SLC44A1: variants seen among roughly 807,000 people sequenced by gnomAD.
SLC44A1 encodes the protein choline transporter-like protein 1.
In SLC44A1, 26 loss-of-function variants were observed where a neutral mutation model predicts 79.3. The observed-to-expected ratio is 0.33, with a 90% CI of 0.24 to 0.46. The LOEUF is 0.46. Among genes scored for constraint, SLC44A1 ranks in the 20% least tolerant of loss-of-function variants. The pLI, the probability that SLC44A1 is intolerant of heterozygous loss-of-function variation, is 1.00. For missense variants in SLC44A1, 688 were observed against 798.1 expected (o/e 0.86, Z 1.66); for synonymous variants, 263 against 286.2 (o/e 0.92, Z 0.82).
intron 6 of SLC44A1, among the ~76,000 whole-genome samples, chr9:105,357,720 C>T (rs1827662700): frequency 6.6e-6 from 1 of 152,118 alleles, no homozygotes; most frequent in Non-Finnish European, 1.5e-5. Context: ...AGGAAGGTCT[C>T]CTCACCTGGG....
In SLC44A1 at chr9:105,363,005, C is replaced by T; in HGVS notation, c.1085C>T (p.Thr362Ile). The T allele has an allele frequency of 1.3e-6, 2 of 1,599,000 alleles. No homozygotes were observed. Among genetic ancestry groups the T allele is most frequent in the Non-Finnish European group, 1.7e-6 (2 of 1,172,450 alleles). Residue 362 changes from threonine (T) to isoleucine (I), a missense_variant and splice_region_variant, in exon 9 of 16, where the codon ACC becomes ATC. By Grantham distance (89) the Thr-to-Ile change is moderately conservative. Transcript: ENST00000374720. The stretch of plus-strand genomic sequence containing the variant: ...ATGACACTTCTTTTTCTTGGCACTA[C>T]CGGTAAGAAGATAAGCTTCTTTCTC... The part of the protein sequence containing the change: ...WIMTLLFLGT[T>I]GSPVQNEQGF...
intron 15 of SLC44A1, among the ~76,000 whole-genome samples, chr9:105,412,348 TG>T (rs201904999): frequency 0.025 from 3,882 of 152,320 alleles, 95 homozygotes; most frequent in Non-Finnish European, 0.032. Flanking sequence ...CCATTCAAGC[TG>T]GCTCCTGTAC....
chr9:105,281,867 A>G (rs1395643346), intron 1 of SLC44A1, among the ~76,000 whole-genome samples: 1 of 152,234 alleles, frequency 6.6e-6, no homozygotes, highest in Non-Finnish European at 1.5e-5. Flanking sequence ...ATATTGTTTA[A>G]GTTGTATAGT....
At chr9:105,361,889 C>G (rs1827791105) in intron 8 of SLC44A1, among the ~76,000 whole-genome samples, 1 of 152,086 alleles carries the variant, frequency 6.6e-6, no homozygotes, top group African/African-American at 2.4e-5. Flanking sequence ...CCTGTCTTCA[C>G]AAAAAATTAA....
chr9:105,420,522 G>A (rs905430250), intron 15 of SLC44A1, among the ~76,000 whole-genome samples: 1 of 152,110 alleles, frequency 6.6e-6, no homozygotes, highest in African/African-American at 2.4e-5. Context: ...TTAAAAATGT[G>A]CCAGAAAGTT....
chr9:105,310,918 A>G (rs1278862743), intron 3 of SLC44A1, among the ~76,000 whole-genome samples: 1 of 152,196 alleles, frequency 6.6e-6, no homozygotes, highest in Non-Finnish European at 1.5e-5. Context: ...CCCAAAGTCA[A>G]CTAGCATGTG....
At chr9:105,358,066 G>T (rs943179493) in intron 6 of SLC44A1, among the ~76,000 whole-genome samples, 1 of 152,192 alleles carries the variant, frequency 6.6e-6, no homozygotes, top group Non-Finnish European at 1.5e-5. Context: ...ATCCACAACA[G>T]TCTTGTGCTG....
At chr9:105,267,558 T>C (rs1829989788) in intron 1 of SLC44A1, among the ~76,000 whole-genome samples, 1 of 152,230 alleles carries the variant, frequency 6.6e-6, no homozygotes, top group Non-Finnish European at 1.5e-5. Flanking sequence ...ATTTCTATTG[T>C]GTTTTTATTT....
chr9:105,349,665 T>G (rs1827345349), intron 5 of SLC44A1, among the ~76,000 whole-genome samples: 1 of 152,148 alleles, frequency 6.6e-6, no homozygotes, highest in East Asian at 1.9e-4. Flanking sequence ...CTTTGAATAG[T>G]CTTAGGAGAA....
At chr9:105,301,189 C>T (rs994113239) in intron 2 of SLC44A1, among the ~76,000 whole-genome samples, 1 of 152,152 alleles carries the variant, frequency 6.6e-6, no homozygotes, top group East Asian at 1.9e-4. Context: ...TACCATGCCA[C>T]CCGAGGTGCT....
chr9:105,309,987 G>C (rs925102327), intron 3 of SLC44A1, 121 bp downstream of exon 3: 26 of 1,038,590 alleles, frequency 2.5e-5, no homozygotes, highest in Middle Eastern at 4.3e-4. Flanking sequence ...TGTGACTTCT[G>C]TTGGTGTGTT....
At chr9:105,359,915 T>C (rs1311318009) in intron 7 of SLC44A1, among the ~76,000 whole-genome samples, 3 of 152,214 alleles carry the variant, frequency 2.0e-5, no homozygotes, top group Non-Finnish European at 4.4e-5. Flanking sequence ...TCTCATTAAC[T>C]CTTGAGTGCA....
intron 1 of SLC44A1, among the ~76,000 whole-genome samples, chr9:105,264,675 T>C (rs1005793279): frequency 1.3e-5 from 2 of 152,240 alleles, no homozygotes; most frequent in African/African-American, 4.8e-5. Context: ...ACCTTAGATA[T>C]TCTTTCAGTT....
chr9:105,269,894 G>A (rs1830040557), intron 1 of SLC44A1, among the ~76,000 whole-genome samples: 1 of 152,152 alleles, frequency 6.6e-6, no homozygotes. Context: ...GTCTTAGTGT[G>A]CCACACTGGT....
chr9:105,382,502 C>T (rs1828497485), intron 13 of SLC44A1, among the ~76,000 whole-genome samples: 1 of 152,072 alleles, frequency 6.6e-6, no homozygotes, highest in South Asian at 2.1e-4. Flanking sequence ...ATACGAAACA[C>T]AGAAAAAGTT....
intron 1 of SLC44A1, among the ~76,000 whole-genome samples, chr9:105,284,340 T>G (rs1230299038): frequency 6.6e-6 from 1 of 151,716 alleles, no homozygotes; most frequent in Non-Finnish European, 1.5e-5. Flanking sequence ...GCTGGGATTA[T>G]AGGCATGAGC....
chr9:105,423,655 C>A (rs535977532), intron 15 of SLC44A1, among the ~76,000 whole-genome samples: 4 of 152,078 alleles, frequency 2.6e-5, no homozygotes, highest in Non-Finnish European at 4.4e-5. Context: ...ACATCTAAAC[C>A]GCTTCTTCCT....
chr9:105,358,783 A>G (rs1827696877), intron 7 of SLC44A1, among the ~76,000 whole-genome samples: 1 of 151,984 alleles, frequency 6.6e-6, no homozygotes. Flanking sequence ...CTTTCTTGAA[A>G]TTCATTCTTT....
At chr9:105,352,328 C>CTATATGAGATTATATGAGA (rs1827476346) in intron 5 of SLC44A1, among the ~76,000 whole-genome samples, 1 of 152,144 alleles carries the variant, frequency 6.6e-6, no homozygotes, top group Non-Finnish European at 1.5e-5. Context: ...ATGCAGACCC[C>CTATATGAGATTATATGAGA]TGCCTTCTTG....
Sources: gnomAD v4.1 joint callset for allele counts (sites outside exome capture counted in the v4.1 genomes callset) on GRCh38, gnomAD v4.1.1 for gene constraint, MANE v1.5 for transcripts, NCBI Gene and HGNC (gene_info 2026-07-23, HGNC 2026-07-21) for gene names.